Variants in RAMP3 observed in about 807,000 individuals in gnomAD.
RAMP3 encodes receptor activity modifying protein 3, also known as receptor activity-modifying protein 3.
A neutral mutation model predicts 13.5 loss-of-function variants in RAMP3; 14 were observed. The ratio of observed to expected loss-of-function variants is 1.04; its 90% confidence interval spans 0.69 to 1.63. RAMP3 has a LOEUF of 1.63. Ranked by LOEUF, RAMP3 falls within the 40% of genes most tolerant of loss-of-function variation. The pLI is 0.00. For synonymous variants in RAMP3, 106 were observed against 88.3 expected (o/e 1.20, Z -1.12); for missense variants, 200 against 204.8 (o/e 0.98, Z 0.14).
At chr7:45,163,769 G>C (rs1785907851) in intron 1 of RAMP3, 1 of 985,328 alleles carries the variant, frequency 1.0e-6, no homozygotes, top group Non-Finnish European at 1.2e-6. Flanking sequence ...AACTAAACAG[G>C]ATGAGGTCTC....
chr7:45,173,261 A>T (rs920009132), intron 1 of RAMP3, among the ~76,000 whole-genome samples: 24 of 152,294 alleles, frequency 1.6e-4, no homozygotes, highest in African/African-American at 5.8e-4. Flanking sequence ...GTTTGTCCAG[A>T]CGTCTGCCAT....
intron 1 of RAMP3, among the ~76,000 whole-genome samples, chr7:45,165,589 A>T (rs1381164493): frequency 6.6e-6 from 1 of 152,178 alleles, no homozygotes; most frequent in Non-Finnish European, 1.5e-5. Flanking sequence ...ATACATCAAT[A>T]TTTTTTAGTA....
Position 45,161,633 on chromosome 7 carries a change from G to C in RAMP3, c.58+3747G>C, listed in dbSNP as rs961115142. Among the ~76,000 whole-genome samples, 11 of 151,954 alleles carry C rather than the reference G, an allele frequency of 7.2e-5. No individual in the cohort carries two copies. The South Asian group carries it at 8.3e-4, about 12-fold the overall frequency. ...AAGGAGAGGAGAGGAAACAGGGGAGGGGGAGGAGGGTAAAGAAGGACAGGG... is the reference window on the plus strand; with the variant it reads ...AAGGAGAGGAGAGGAAACAGGGGAGCGGGAGGAGGGTAAAGAAGGACAGGG... On this transcript the variant is annotated intron_variant, in intron 1 of 2. Coordinates refer to ENST00000242249, the MANE Select transcript of RAMP3 (RefSeq NM_005856.3).
chr7:45,172,636 T>C (rs1786105120), intron 1 of RAMP3, among the ~76,000 whole-genome samples: 1 of 152,200 alleles, frequency 6.6e-6, no homozygotes, highest in African/African-American at 2.4e-5. Flanking sequence ...CCTCCTTGTC[T>C]GGCTAATTTT....
In RAMP3 at chr7:45,183,270, C is replaced by T. The variant is rs1786355947; in HGVS notation, c.305C>T (p.Ser102Phe). ...ACCGGCATCCACAGGCAGTTCTTCT[C>T]CAACTGCACCGTGGACAGGGTCCAC... The part of the protein sequence containing the change: ...FITGIHRQFF[S>F]NCTVDRVHLE... Residue 102 changes from serine to phenylalanine, a missense_variant, in exon 3 of 3, where the codon TCC (serine) becomes TTC (phenylalanine). Ser to Phe is a radical substitution (Grantham distance 155). Transcript: ENST00000242249. 3 of 1,613,974 alleles carry T rather than the reference C, an allele frequency of 1.9e-6. No homozygotes were observed. The highest frequency in any genetic ancestry group is 2.2e-5 in the East Asian group (1 of 44,886).
rs546800108 is a variant in RAMP3 at position 45,177,294 on chromosome 7, C to T, written c.59-15C>T. ...GTGAACTGTAGTGGAATTCTTATGG[C>T]TGTCCCCTCTCCAGGTGGGTGTCCC... On this transcript the variant is annotated splice_polypyrimidine_tract_variant and intron_variant, in intron 1 of 2. Transcript: ENST00000242249. 1.8e-5 allele frequency: 29 copies of T among 1,613,764 alleles called. No individual in the cohort carries two copies. The highest frequency in any genetic ancestry group is 2.2e-5 in the Non-Finnish European group (26 of 1,179,892).
intron 2 of RAMP3, among the ~76,000 whole-genome samples, chr7:45,180,687 C>T (rs1346053494): frequency 6.6e-6 from 1 of 152,228 alleles, no homozygotes; most frequent in African/African-American, 2.4e-5. Context: ...GGAACACACT[C>T]AGGTGGTGAA....
At chr7:45,168,406 CAAAAAAAAA>C (rs71030854) in intron 1 of RAMP3, among the ~76,000 whole-genome samples, 2 of 70,384 alleles carry the variant, frequency 2.8e-5, no homozygotes, top group African/African-American at 1.3e-4. Context: ...ACTCTGTTTC[CAAAAAAAAA>C]AAAAAAAAAA....
chr7:45,166,958 C>CTTTTTTTTTTT lies in RAMP3; in HGVS notation c.58+9079_58+9089dup, dbSNP rs202162694. On this transcript the variant is annotated intron_variant, in intron 1 of 2. Transcript: ENST00000242249. ...TAGCTCTACATGTAGGTCTTTGATG[C>CTTTTTTTTTTT]TTTTTTTTTTTTTTTTTGAGACAGA... Among the ~76,000 whole-genome samples, 671 of 101,156 alleles carry CTTTTTTTTTTT rather than the reference C, an allele frequency of 6.6e-3. 42 individuals carry two copies. Among genetic ancestry groups the CTTTTTTTTTTT allele is most frequent in the African/African-American group, 0.011 (238 of 22,046 alleles). 66.4% of individuals were successfully genotyped at this position (101,156 alleles called of 152,430 possible). A position where few individuals can be genotyped will look rare whatever the true frequency, so the allele number is the denominator to read the frequency against.
intron 1 of RAMP3, among the ~76,000 whole-genome samples, chr7:45,162,824 G>C (rs1785890155): frequency 6.6e-6 from 1 of 152,148 alleles, no homozygotes; most frequent in South Asian, 2.1e-4. Flanking sequence ...GTGAGTGTCA[G>C]GGTCAGGGGC....
intron 1 of RAMP3, chr7:45,163,047 A>G (rs1002637422): frequency 3.7e-6 from 2 of 543,256 alleles, no homozygotes; most frequent in African/African-American, 4.1e-5. Flanking sequence ...GTGGAGACAC[A>G]TTGCTTTCCA....
chr7:45,175,840 C>T (rs1286638524), intron 1 of RAMP3, among the ~76,000 whole-genome samples: 1 of 152,172 alleles, frequency 6.6e-6, no homozygotes, highest in Admixed American at 6.5e-5. Flanking sequence ...AGGGTCTTCC[C>T]TAATGTTAGC....
At position 45,183,773 on chromosome 7, in the gene RAMP3, G is replaced by T; in HGVS notation, c.*361G>T. 1 of 539,288 alleles carries T rather than the reference G, an allele frequency of 1.9e-6. No homozygotes were observed. The highest frequency in any genetic ancestry group is 3.3e-6 in the Non-Finnish European group (1 of 304,902). The allele number at this position is 539,288 out of a possible 1,614,324, so 33.4% of individuals were successfully genotyped here. A position where few individuals can be genotyped will look rare whatever the true frequency, so the allele number is the denominator to read the frequency against. The stretch of plus-strand genomic sequence containing the variant: ...GTTTCTTAGCACAGAATCCAGCCTA[G>T]CCTTAGCCGCAGTCTAGGCCCTGCT... On this transcript the variant is annotated 3_prime_UTR_variant, in exon 3 of 3. Transcript: ENST00000242249.
At chr7:45,180,022 G>A (rs957466503) in intron 2 of RAMP3, among the ~76,000 whole-genome samples, 12 of 152,222 alleles carry the variant, frequency 7.9e-5, no homozygotes, top group East Asian at 3.8e-4. Flanking sequence ...GCTATTTCCC[G>A]CCAATTTGTC....
intron 1 of RAMP3, among the ~76,000 whole-genome samples, chr7:45,162,449 C>A (rs1785883476): frequency 6.6e-6 from 1 of 152,194 alleles, no homozygotes; most frequent in African/African-American, 2.4e-5. Context: ...CCCTGCTTGG[C>A]AGACCAAGGG....
chr7:45,175,860 G>A (rs1435036015), intron 1 of RAMP3, among the ~76,000 whole-genome samples: 1 of 152,184 alleles, frequency 6.6e-6, no homozygotes, highest in Non-Finnish European at 1.5e-5. Flanking sequence ...CATTAAGCAG[G>A]CTATGACTCT....
chr7:45,157,850 C>T lies in RAMP3; in HGVS notation c.22C>T (p.Arg8Cys), dbSNP rs550564964. 2 of 1,422,436 alleles carry T rather than the reference C, an allele frequency of 1.4e-6. No homozygotes were observed. Among genetic ancestry groups the T allele is most frequent in the Non-Finnish European group, 9.1e-7 (1 of 1,096,496 alleles). The allele number at this position is 1,422,436 out of a possible 1,614,324, so 88.1% of individuals were successfully genotyped here. The stretch of plus-strand genomic sequence containing the variant: ...AGCCATGGAGACTGGAGCGCTGCGG[C>T]GCCCGCAACTTCTCCCGTTGCTGCT... Reference protein sequence around the residue: METGALRRPQLLPLLLLL... With the variant: METGALRCPQLLPLLLLL... Residue 8 changes from arginine (R) to cysteine (C), a missense_variant, in exon 1 of 3, where the codon CGC becomes TGC. Arg to Cys is a radical substitution (Grantham distance 180). Transcript: ENST00000242249.
intron 2 of RAMP3, among the ~76,000 whole-genome samples, chr7:45,182,686 A>G (rs956857603): frequency 6.6e-6 from 1 of 152,222 alleles, no homozygotes; most frequent in East Asian, 1.9e-4. Flanking sequence ...CACCTGGCAC[A>G]TGAGGGCAGG....
intron 1 of RAMP3, among the ~76,000 whole-genome samples, chr7:45,170,079 A>C (rs1786049315): frequency 6.6e-6 from 1 of 151,136 alleles, no homozygotes; most frequent in South Asian, 2.1e-4. Context: ...CTGATTTAGT[A>C]ATTTGAGTCT....
Sources: gnomAD v4.1 joint callset for allele counts (sites outside exome capture counted in the v4.1 genomes callset) on GRCh38, gnomAD v4.1.1 for gene constraint, MANE v1.5 for transcripts, NCBI Gene and HGNC (gene_info 2026-07-23, HGNC 2026-07-21) for gene names.